ILRUN: variants seen among roughly 807,000 people sequenced by gnomAD.
ILRUN encodes the protein protein ILRUN.
A neutral mutation model predicts 33.8 loss-of-function variants in ILRUN; 3 were observed. The observed-to-expected ratio is 0.09, with a 90% confidence interval of 0.04 to 0.23. The LOEUF (loss-of-function observed/expected upper bound fraction) is 0.23. Among genes scored for constraint, ILRUN ranks in the 10% least tolerant of loss-of-function variants. The probability of loss-of-function intolerance (pLI) is 1.00; values close to 1 mark genes in which losing one functional copy is unlikely to be tolerated. For missense variants in ILRUN, 210 were observed against 375.1 expected (o/e 0.56, Z 3.64); for synonymous variants, 124 against 138.9 (o/e 0.89, Z 0.75).
chr6:34,662,407 T>C (rs1762907769), intron 1 of ILRUN, among the ~76,000 whole-genome samples: 1 of 152,020 alleles, frequency 6.6e-6, no homozygotes. Context: ...TCTGGGTATC[T>C]AAGAGAACTG....
chr6:34,696,227 C>T, intron 1 of ILRUN: 1 of 529,522 alleles, frequency 1.9e-6, no homozygotes. Flanking sequence ...CTCCCTTCCG[C>T]CCCTCCTGCC....
At chr6:34,676,206 C>T (rs1763225708) in intron 1 of ILRUN, among the ~76,000 whole-genome samples, 1 of 151,784 alleles carries the variant, frequency 6.6e-6, no homozygotes, top group African/African-American at 2.4e-5. Flanking sequence ...GAGTTCCAGA[C>T]CAGCCTGGGT....
chr6:34,651,758 T>C (rs1231521067), intron 2 of ILRUN, among the ~76,000 whole-genome samples: 2 of 147,114 alleles, frequency 1.4e-5, no homozygotes, highest in East Asian at 3.9e-4. Flanking sequence ...ATTATATATA[T>C]ATATATATCT....
chr6:34,633,879 G>C (rs1440904645), intron 3 of ILRUN, among the ~76,000 whole-genome samples: 2 of 86,622 alleles, frequency 2.3e-5, no homozygotes, highest in Non-Finnish European at 4.3e-5. Flanking sequence ...CATGGAGGGA[G>C]AGAGGGAGGG....
chr6:34,645,385 G>A (rs1488233860), intron 3 of ILRUN, among the ~76,000 whole-genome samples: 1 of 151,906 alleles, frequency 6.6e-6, no homozygotes, highest in Non-Finnish European at 1.5e-5. Context: ...GTTTTGTTTT[G>A]TTTTTTTGAG....
rs374375927 is a variant in ILRUN, at chr6:34,666,228, A to G, written c.159-11449T>C. Among the ~76,000 whole-genome samples the G allele has an allele frequency of 5.3e-4, 80 of 152,314 alleles. 1 individual carries two copies. The highest frequency in any genetic ancestry group is 1.8e-3 in the African/African-American group (76 of 41,576). On this transcript the variant is annotated intron_variant, in intron 1 of 4. Transcript: ENST00000374023. ...CAGTATCTCCAAGTACTCTGTGGAC[A>G]TATTTGGCTGCTTTCTGGTATATAG... is the stretch of plus-strand genomic sequence containing the variant.
intron 3 of ILRUN, among the ~76,000 whole-genome samples, chr6:34,619,286 A>C (rs1244886493): frequency 6.6e-6 from 1 of 152,084 alleles, no homozygotes; most frequent in Non-Finnish European, 1.5e-5. Flanking sequence ...ATCAGTAGGT[A>C]CACAGAATAT....
At chr6:34,609,975 G>A (rs1018022239) in intron 3 of ILRUN, among the ~76,000 whole-genome samples, 4 of 151,832 alleles carry the variant, frequency 2.6e-5, no homozygotes, top group Non-Finnish European at 2.9e-5. Flanking sequence ...TGGCTAACAC[G>A]GTGAAACCCC....
intron 1 of ILRUN, among the ~76,000 whole-genome samples, chr6:34,676,042 C>CA (rs1048203067): frequency 3.9e-5 from 6 of 152,050 alleles, no homozygotes; most frequent in African/African-American, 1.4e-4. Context: ...TGCATCCAGT[C>CA]AAAAAACAAA....
At chr6:34,632,744 C>T (rs1762274664) in intron 3 of ILRUN, among the ~76,000 whole-genome samples, 1 of 151,192 alleles carries the variant, frequency 6.6e-6, no homozygotes, top group Admixed American at 6.6e-5. Context: ...AGGATGGTCT[C>T]GATCTCCTGA....
At chr6:34,663,698 C>T (rs1762938648) in intron 1 of ILRUN, among the ~76,000 whole-genome samples, 1 of 152,106 alleles carries the variant, frequency 6.6e-6, no homozygotes, top group Admixed American at 6.5e-5. Flanking sequence ...GCATAAAATC[C>T]ACCCATTTCA....
intron 3 of ILRUN, among the ~76,000 whole-genome samples, chr6:34,631,390 C>T (rs1005313116): frequency 2.6e-5 from 4 of 151,488 alleles, no homozygotes; most frequent in South Asian, 4.2e-4. Flanking sequence ...GGCAGTGGCG[C>T]GATCTCGGCT....
chr6:34,683,262 T>C (rs555943425), intron 1 of ILRUN, among the ~76,000 whole-genome samples: 1 of 150,940 alleles, frequency 6.6e-6, no homozygotes, highest in Middle Eastern at 3.2e-3. Context: ...ACTCAAACAA[T>C]GGAGGTATAA....
At chr6:34,680,968 G>C (rs1763346905) in intron 1 of ILRUN, among the ~76,000 whole-genome samples, 1 of 151,788 alleles carries the variant, frequency 6.6e-6, no homozygotes, top group Non-Finnish European at 1.5e-5. Context: ...AAATAAGGTA[G>C]GGCTTCCCTG....
In ILRUN at chr6:34,635,544, A is replaced by AAAGG. The variant is rs571458905; in HGVS notation, c.511+11053_511+11056dup. ...GAGACCCTGTCTGAAAAAAAGAAAGAAAGGAAGGAAGGAAGGAAGGAAGGG... is the reference window on the plus strand; with the variant it reads ...GAGACCCTGTCTGAAAAAAAGAAAGAAAGGAAGGAAGGAAGGAAGGAAGGAAGGG... On this transcript the variant is annotated intron_variant, in intron 3 of 4. Coordinates refer to ENST00000374023, the MANE Select transcript of ILRUN (RefSeq NM_024294.4). Among the ~76,000 whole-genome samples, 460 of 120,120 alleles carry AAAGG rather than the reference A, an allele frequency of 3.8e-3. 2 individuals carry two copies. The highest frequency in any genetic ancestry group is 9.8e-3 in the East Asian group (33 of 3,380). 78.8% of individuals were successfully genotyped at this position (120,120 alleles called of 152,430 possible).
At chr6:34,611,971 T>A (rs1191875500) in intron 3 of ILRUN, among the ~76,000 whole-genome samples, 1 of 152,092 alleles carries the variant, frequency 6.6e-6, no homozygotes, top group African/African-American at 2.4e-5. Flanking sequence ...GCACCTGTGA[T>A]CTTTGGCACC....
chr6:34,627,915 G>T (rs1227790569), intron 3 of ILRUN, among the ~76,000 whole-genome samples: 1 of 152,018 alleles, frequency 6.6e-6, no homozygotes, highest in African/African-American at 2.4e-5. Flanking sequence ...TGTCAGCCAG[G>T]CTGGACTTGA....
At position 34,645,580 on chromosome 6, in the gene ILRUN, C is replaced by T. The variant is rs1265823303; in HGVS notation, c.511+1021G>A. 2.0e-5 allele frequency among the ~76,000 whole-genome samples: 3 copies of T among 152,240 alleles called. No individual in the cohort carries two copies. In the East Asian group the frequency reaches 5.8e-4, roughly 29 times the overall value. ...AGAGACAGGGTCTCTCTGTTTTGCC[C>T]AGGCTGATCTCGAGCCTCTGGGTTC... On this transcript the variant is annotated intron_variant, in intron 3 of 4. Coordinates refer to ENST00000374023, the MANE Select transcript of ILRUN (RefSeq NM_024294.4).
Position 34,615,884 on chromosome 6 carries a change from C to A in ILRUN, c.512-8980G>T, listed in dbSNP as rs200344323. Among the ~76,000 whole-genome samples the A allele has an allele frequency of 2.0e-5, 3 of 152,310 alleles. No homozygotes were observed. The East Asian group carries it at 5.8e-4, about 29-fold the overall frequency. ...AACTAGGGTTACATCAATGACTGTA[C>A]AACCGAACCACCATCATCTTGATGT... On this transcript the variant is annotated intron_variant, in intron 3 of 4. Coordinates refer to ENST00000374023, the MANE Select transcript of ILRUN (RefSeq NM_024294.4).
Sources: allele counts gnomAD v4.1 joint callset (sites outside exome capture counted in the v4.1 genomes callset), GRCh38; gene constraint gnomAD v4.1.1; transcripts MANE v1.5; gene names NCBI Gene and HGNC (gene_info 2026-07-23, HGNC 2026-07-21).